Variants in CLIC4 observed in about 807,000 individuals in gnomAD.
The protein encoded by CLIC4 is chloride intracellular channel protein 4.
A neutral mutation model predicts 24.6 loss-of-function variants in CLIC4; 13 were observed. The observed-to-expected ratio is 0.53, with a 90% CI of 0.34 to 0.84. The LOEUF (loss-of-function observed/expected upper bound fraction) is 0.84, where lower values mean the gene tolerates loss of function less well. CLIC4 is among the 40% of genes least tolerant of loss of function. The pLI is 0.01. For synonymous variants in CLIC4, 104 were observed against 111.3 expected, an observed-to-expected ratio of 0.93 and a Z score of 0.41; for missense variants, 227 against 301.7, an observed-to-expected ratio of 0.75 and a Z score of 1.83.
rs570125100 is a variant in CLIC4 at position 24,825,615 on chromosome 1, A to T, written c.309-1395A>T. Among the ~76,000 whole-genome samples, 7 of 152,330 alleles carry T rather than the reference A, an allele frequency of 4.6e-5. No homozygotes were observed. In the South Asian group the frequency reaches 1.4e-3, roughly 32 times the overall value. ...AGCTTAAAAAATGAGAGCTATCTAGAGACTAGGTACACTTATTAAAAAAGA... is the reference window on the plus strand; with the variant it reads ...AGCTTAAAAAATGAGAGCTATCTAGTGACTAGGTACACTTATTAAAAAAGA... On this transcript the variant is annotated intron_variant, in intron 3 of 5. Transcript: ENST00000374379.
intron 1 of CLIC4, among the ~76,000 whole-genome samples, chr1:24,766,559 A>G (rs1416179733): frequency 1.6e-5 from 2 of 124,966 alleles, no homozygotes; most frequent in Non-Finnish European, 3.1e-5. Context: ...GCTGGAGTGC[A>G]GTGGCACAAT....
chr1:24,758,310 T>C (rs1375465152), intron 1 of CLIC4, among the ~76,000 whole-genome samples: 5 of 141,324 alleles, frequency 3.5e-5, no homozygotes, highest in Non-Finnish European at 6.2e-5. Flanking sequence ...TGTCCTAGTC[T>C]TTTTTTTTTT....
intron 4 of CLIC4, among the ~76,000 whole-genome samples, chr1:24,827,873 TTTCTC>T (rs546949288): frequency 1.0e-3 from 156 of 152,280 alleles, no homozygotes; most frequent in African/African-American, 3.7e-3. Context: ...GTAATTTCCT[TTTCTC>T]TTCGGGATGT....
At chr1:24,798,890 G>A (rs2124133337) in intron 2 of CLIC4, among the ~76,000 whole-genome samples, 1 of 152,358 alleles carries the variant, frequency 6.6e-6, no homozygotes, top group African/African-American at 2.4e-5. Context: ...CGAGTGATCC[G>A]CCAGCCTCGG....
rs1198557574 is a variant in CLIC4 at position 24,839,805 on chromosome 1, G to A, written c.416-55G>A. 4.1e-6 allele frequency: 6 copies of A among 1,462,984 alleles called. No individual in the cohort carries two copies. The African/African-American group carries it at 4.2e-5, about 10-fold the overall frequency. 90.6% of individuals were successfully genotyped at this position (1,462,984 alleles called of 1,614,324 possible). A position where few individuals can be genotyped will look rare whatever the true frequency, so the allele number is the denominator to read the frequency against. ...CTCAAAGAGTCTGCTTCTCCTTGGG[G>A]ACTTGAGTGGTTTTCCTTCTTACAG... On this transcript the variant is annotated intron_variant, in intron 4 of 5. Coordinates refer to ENST00000374379, the MANE Select transcript of CLIC4 (RefSeq NM_013943.3).
At chr1:24,767,350 C>G (rs1037425228) in intron 1 of CLIC4, among the ~76,000 whole-genome samples, 1 of 152,174 alleles carries the variant, frequency 6.6e-6, no homozygotes, top group Non-Finnish European at 1.5e-5. Flanking sequence ...GCCTTGTTTG[C>G]TTACTATTTT....
intron 3 of CLIC4, among the ~76,000 whole-genome samples, chr1:24,817,360 C>G (rs143771845): frequency 2.6e-5 from 4 of 152,184 alleles, no homozygotes; most frequent in African/African-American, 9.6e-5. Flanking sequence ...TAAGCATTTG[C>G]TGCTTCATGT....
chr1:24,793,154 T>C (rs1639358580), intron 1 of CLIC4: 1 of 28,276 alleles, frequency 3.5e-5, no homozygotes, highest in Non-Finnish European at 8.3e-5. Context: ...ACCAAATTAC[T>C]GTTGTTTTTT....
intron 2 of CLIC4, among the ~76,000 whole-genome samples, chr1:24,798,660 C>G (rs1421499560): frequency 2.0e-5 from 3 of 151,322 alleles, no homozygotes. Flanking sequence ...GTGTCCCTCT[C>G]TTTCCACGGT....
At chr1:24,836,643 A>G (rs927193871) in intron 4 of CLIC4, among the ~76,000 whole-genome samples, 10 of 152,140 alleles carry the variant, frequency 6.6e-5, no homozygotes, top group Middle Eastern at 3.2e-3. Context: ...TTCAAGACCA[A>G]CTTTGGCAAC....
intron 3 of CLIC4, among the ~76,000 whole-genome samples, chr1:24,815,270 G>T (rs192225046): frequency 3.3e-5 from 5 of 152,320 alleles, no homozygotes. Context: ...GGCTGAGGCG[G>T]ATGGATCACC....
At chr1:24,765,957 G>A (rs577499182) in intron 1 of CLIC4, among the ~76,000 whole-genome samples, 5 of 151,492 alleles carry the variant, frequency 3.3e-5, no homozygotes, top group East Asian at 3.9e-4. Context: ...GATTACAGGC[G>A]CCCACCATCA....
intron 1 of CLIC4, chr1:24,777,922 C>T (rs1040728671): frequency 5.3e-5 from 8 of 152,144 alleles, no homozygotes; most frequent in African/African-American, 1.9e-4. Flanking sequence ...GAACAGGGGC[C>T]ATGCTAATCT....
chr1:24,839,772 GTTA>G, intron 4 of CLIC4, 85 bp from the exon 5 acceptor site: 1 of 1,158,620 alleles, frequency 8.6e-7, no homozygotes, highest in Non-Finnish European at 1.2e-6. Context: ...TTTTTAAACA[GTTA>G]TTGACTCAAA....
At chr1:24,818,529 C>T (rs969929466) in intron 3 of CLIC4, among the ~76,000 whole-genome samples, 9 of 152,110 alleles carry the variant, frequency 5.9e-5, no homozygotes, top group Admixed American at 2.0e-4. Context: ...TCAAGGTATC[C>T]GCCCACCTCG....
intron 2 of CLIC4, among the ~76,000 whole-genome samples, chr1:24,808,930 G>A (rs1014890846): frequency 5.9e-5 from 9 of 151,992 alleles, no homozygotes; most frequent in Non-Finnish European, 1.2e-4. Flanking sequence ...TGCATGCCTC[G>A]GCCTCCCAAA....
At chr1:24,778,547 T>G (rs893507807) in intron 1 of CLIC4, among the ~76,000 whole-genome samples, 28 of 152,312 alleles carry the variant, frequency 1.8e-4, no homozygotes, top group Admixed American at 1.4e-3. Flanking sequence ...TTCTTTCATT[T>G]GTTGTCATTC....
chr1:24,801,952 A>G (rs1352670473), intron 2 of CLIC4, among the ~76,000 whole-genome samples: 1 of 152,154 alleles, frequency 6.6e-6, no homozygotes, highest in African/African-American at 2.4e-5. Flanking sequence ...TAAGTCATGT[A>G]GTTACCCTTC....
intron 2 of CLIC4, among the ~76,000 whole-genome samples, chr1:24,801,165 A>G (rs900854593): frequency 6.6e-6 from 1 of 152,120 alleles, no homozygotes; most frequent in Non-Finnish European, 1.5e-5. Context: ...ATGATTTGCT[A>G]TTATACTGAT....
Sources: allele counts gnomAD v4.1 joint callset (sites outside exome capture counted in the v4.1 genomes callset), GRCh38; gene constraint gnomAD v4.1.1; transcripts MANE v1.5; gene names NCBI Gene and HGNC (gene_info 2026-07-23, HGNC 2026-07-21).